CPVL: variants seen among roughly 807,000 people sequenced by gnomAD.
The protein encoded by CPVL is probable serine carboxypeptidase CPVL.
In CPVL, 51 loss-of-function variants were observed where a neutral mutation model predicts 63.7. The observed-to-expected ratio is 0.80, with a 90% CI of 0.64 to 1.01. The LOEUF is 1.01. CPVL is among the 50% of genes least tolerant of loss of function. The probability of loss-of-function intolerance (pLI) is 0.00; values close to 1 mark genes in which losing one functional copy is unlikely to be tolerated. For synonymous variants in CPVL, 195 were observed against 206.0 expected (o/e 0.95, Z 0.46); for missense variants, 530 against 573.1 (o/e 0.92, Z 0.77).
upstream of CPVL, among the ~76,000 whole-genome samples, chr7:29,147,669 C>G (rs1418875896): frequency 6.6e-6 from 1 of 152,168 alleles, no homozygotes; most frequent in Non-Finnish European, 1.5e-5. Context: ...TTCCTACCCA[C>G]CTAGCTCTTT....
chr7:29,067,558 G>A (rs1783259160), intron 9 of CPVL, among the ~76,000 whole-genome samples: 1 of 150,202 alleles, frequency 6.7e-6, no homozygotes, highest in Non-Finnish European at 1.5e-5. Context: ...GGACCACAGG[G>A]ACTGCAGCAT....
In CPVL at chr7:29,175,504, C is replaced by A. The variant is rs144705619; in HGVS notation, c.-11+5786G>T. On this transcript the variant is annotated intron_variant, in intron 5 of 16. Coordinates refer to the CPVL transcript ENST00000409850. ...AGCTGATGATTTTATAAGGCATTTC[C>A]CCTTTCACTTGGCTCTCATACTCTC... Among the ~76,000 whole-genome samples the A allele has an allele frequency of 2.0e-4, 31 of 152,164 alleles. 1 individual carries two copies. In the East Asian group the frequency reaches 6.0e-3, roughly 30 times the overall value.
chr7:29,085,076 C>T (rs1231671610), intron 7 of CPVL, among the ~76,000 whole-genome samples: 1 of 152,230 alleles, frequency 6.6e-6, no homozygotes, highest in Non-Finnish European at 1.5e-5. Context: ...TGTTTCCTAG[C>T]TCTGCCCACA....
At chr7:29,096,446 C>CA (rs576225657) in intron 3 of CPVL, 470 of 546,778 alleles carry the variant, frequency 8.6e-4, no homozygotes, top group Non-Finnish European at 1.4e-3. Flanking sequence ...ATCATGCAGT[C>CA]AAGTCTTTTC....
chr7:29,066,468 G>A (rs551118222), intron 9 of CPVL, among the ~76,000 whole-genome samples: 54 of 152,344 alleles, frequency 3.5e-4, no homozygotes, highest in Middle Eastern at 3.4e-3. Context: ...TGTCATGTGT[G>A]TGCATGTGTG....
intron 1 of CPVL, chr7:29,194,828 C>T (rs1422021817): frequency 4.1e-6 from 4 of 984,178 alleles, no homozygotes; most frequent in Non-Finnish European, 4.1e-6. Context: ...CTGCGCGTCC[C>T]CAGGACTTTG....
intron 5 of CPVL, among the ~76,000 whole-genome samples, chr7:29,165,754 T>C (rs1322220897): frequency 6.6e-6 from 1 of 152,202 alleles, no homozygotes; most frequent in East Asian, 1.9e-4. Flanking sequence ...CATGAATAGA[T>C]GTTGAATTTT....
intron 12 of CPVL, among the ~76,000 whole-genome samples, chr7:29,014,549 C>T (rs923938757): frequency 4.0e-5 from 6 of 151,886 alleles, no homozygotes; most frequent in Non-Finnish European, 8.8e-5. Context: ...TCTTGCCCAC[C>T]CAGGCTAGTC....
intron 4 of CPVL, 62 bp from the exon 5 acceptor site, chr7:29,095,204 T>C (rs1464212185): frequency 4.3e-6 from 6 of 1,394,760 alleles, no homozygotes; most frequent in Admixed American, 3.4e-5. Context: ...CGAGGCCTCA[T>C]GGTGGTCAGA....
chr7:29,111,540 A>G (rs1189058988), intron 3 of CPVL, among the ~76,000 whole-genome samples: 1 of 152,340 alleles, frequency 6.6e-6, no homozygotes, highest in Non-Finnish European at 1.5e-5. Flanking sequence ...AGCCCTCTCT[A>G]GGGGCCAAGA....
At chr7:29,140,809 G>C (rs2128669631) in intron 1 of CPVL, among the ~76,000 whole-genome samples, 1 of 152,296 alleles carries the variant, frequency 6.6e-6, no homozygotes, top group South Asian at 2.1e-4. Flanking sequence ...ACAACTGTGG[G>C]ACAATGAGGG....
rs1783982595 is a variant in CPVL at position 28,995,665 on chromosome 7, T to C, written c.*107A>G. The C allele has an allele frequency of 2.9e-6, 2 of 700,226 alleles. No homozygotes were observed. Among genetic ancestry groups the C allele is most frequent in the Admixed American group, 6.6e-5 (2 of 30,408 alleles). The allele number at this position is 700,226 out of a possible 1,614,324, so 43.4% of individuals were successfully genotyped here. On this transcript the variant is annotated 3_prime_UTR_variant, in exon 13 of 13. Transcript: ENST00000265394. ...GGATAATTTTTATTGATGAAAAAAA[T>C]CTTGCAGATATGAAAAGATAATTTT... is the stretch of plus-strand genomic sequence containing the variant.
chr7:29,184,400 T>C (rs1401510770), intron 4 of CPVL: 2 of 152,062 alleles, frequency 1.3e-5, no homozygotes, highest in Non-Finnish European at 2.9e-5. Flanking sequence ...AAGAGAGATT[T>C]AGTATATGCA....
intron 3 of CPVL, among the ~76,000 whole-genome samples, chr7:29,103,641 C>T (rs753925457): frequency 4.6e-5 from 7 of 151,932 alleles, no homozygotes; most frequent in Non-Finnish European, 7.4e-5. Flanking sequence ...CATTTTGGAC[C>T]GGAAAGTCAC....
chr7:29,041,820 G>T (rs1789121859), intron 11 of CPVL, among the ~76,000 whole-genome samples: 1 of 151,818 alleles, frequency 6.6e-6, no homozygotes, highest in Non-Finnish European at 1.5e-5. Flanking sequence ...ACAAAGAAAA[G>T]AATGTAAAAT....
At chr7:29,162,375 A>AAGAACACC (rs1219831756) in intron 5 of CPVL, among the ~76,000 whole-genome samples, 18 of 152,198 alleles carry the variant, frequency 1.2e-4, no homozygotes, top group African/African-American at 3.4e-4. Context: ...TAAGAACATT[A>AAGAACACC]TGATGGCCAG....
intron 9 of CPVL, among the ~76,000 whole-genome samples, chr7:29,070,128 C>T (rs1248340937): frequency 6.6e-6 from 1 of 152,122 alleles, no homozygotes; most frequent in Non-Finnish European, 1.5e-5. Context: ...GATACGGGAC[C>T]AATGGTCAAA....
chr7:29,097,078 C>T (rs1312097689), intron 3 of CPVL, among the ~76,000 whole-genome samples: 1 of 151,958 alleles, frequency 6.6e-6, no homozygotes, highest in Non-Finnish European at 1.5e-5. Flanking sequence ...GCAGACAGCC[C>T]CAGGGGCCTT....
At chr7:29,027,821 A>T (rs1484782303) in intron 12 of CPVL, among the ~76,000 whole-genome samples, 1 of 152,242 alleles carries the variant, frequency 6.6e-6, no homozygotes, top group African/African-American at 2.4e-5. Context: ...TGATGTAAGA[A>T]GTTGAAGAGG....
Sources: allele counts gnomAD v4.1 joint callset (sites outside exome capture counted in the v4.1 genomes callset), GRCh38; gene constraint gnomAD v4.1.1; transcripts MANE v1.5; gene names NCBI Gene and HGNC (gene_info 2026-07-23, HGNC 2026-07-21).